CACNA1C: variants seen among roughly 807,000 people sequenced by gnomAD.
CACNA1C encodes the protein calcium voltage-gated channel subunit alpha1 C.
A neutral mutation model predicts 229.0 loss-of-function variants in CACNA1C; 30 were observed. That is an observed-to-expected ratio of 0.13 (90% CI 0.10 to 0.18). The LOEUF (loss-of-function observed/expected upper bound fraction) is 0.18, where lower values mean the gene tolerates loss of function less well. Ranked by LOEUF, CACNA1C falls within the 10% of genes least tolerant of loss-of-function variation. The probability of loss-of-function intolerance (pLI) is 1.00; values close to 1 mark genes in which losing one functional copy is unlikely to be tolerated. For missense variants in CACNA1C, 1,658 were observed against 2,845.0 expected, an observed-to-expected ratio of 0.58 and a Z score of 9.49; for synonymous variants, 1,114 against 1,132.5, an observed-to-expected ratio of 0.98 and a Z score of 0.33.
intron 3 of CACNA1C, among the ~76,000 whole-genome samples, chr12:2,175,791 G>A (rs1336163667): frequency 6.6e-6 from 1 of 152,158 alleles, no homozygotes; most frequent in Non-Finnish European, 1.5e-5. Flanking sequence ...ATACCATGTG[G>A]CAGAAAAAGC....
chr12:2,370,248 T>A (rs895658462), intron 3 of CACNA1C, among the ~76,000 whole-genome samples: 4 of 152,100 alleles, frequency 2.6e-5, no homozygotes, highest in African/African-American at 9.7e-5. Flanking sequence ...TCATATACTA[T>A]GATAGAAATA....
In CACNA1C at chr12:2,193,876, C is replaced by T. The variant is rs375653492; in HGVS notation, c.477+73446C>T. 7.9e-5 allele frequency among the ~76,000 whole-genome samples: 12 copies of T among 152,298 alleles called. No homozygotes were observed. In the East Asian group the frequency reaches 1.4e-3, roughly 17 times the overall value. On this transcript the variant is annotated intron_variant, in intron 3 of 46. Transcript: ENST00000399655. ...GGAACGTGTCCTCTCTTCCCTAGGA[C>T]GTCTGTCTTGGTATTGAAGACAGTG... is the stretch of plus-strand genomic sequence containing the variant.
At chr12:2,668,838 A>ACACAGAGCCAAACCAT in intron 37 of CACNA1C, 95 bp from the exon 38 acceptor site, 1 of 792,168 alleles carries the variant, frequency 1.3e-6, no homozygotes, top group Non-Finnish European at 2.2e-6. Flanking sequence ...TTGGGCGAGG[A>ACACAGAGCCAAACCAT]CACAGAGCCA....
chr12:2,300,276 G>T (rs1220051340), intron 3 of CACNA1C, among the ~76,000 whole-genome samples: 1 of 152,206 alleles, frequency 6.6e-6, no homozygotes, highest in Non-Finnish European at 1.5e-5. Flanking sequence ...ATGCACTTAT[G>T]GAGTGCCTCC....
intron 29 of CACNA1C, among the ~76,000 whole-genome samples, chr12:2,623,030 G>A (rs1344239235): frequency 6.6e-6 from 1 of 152,156 alleles, no homozygotes; most frequent in Non-Finnish European, 1.5e-5. Context: ...GATGTACAGG[G>A]AAATGCCTTA....
intron 1 of CACNA1C, among the ~76,000 whole-genome samples, chr12:2,062,603 TGTC>T (rs1353162988): frequency 6.6e-6 from 1 of 152,222 alleles, no homozygotes; most frequent in Non-Finnish European, 1.5e-5. Context: ...GGCTGCATGT[TGTC>T]GTGGTACCCC....
At chr12:2,041,425 T>C (rs7132072) in intron 1 of CACNA1C, among the ~76,000 whole-genome samples, 45,809 of 151,650 alleles carry the variant, frequency 0.3, 8,240 homozygotes, top group African/African-American at 0.5. Context: ...TACAGGCGCT[T>C]GCCACCGCGT....
intron 3 of CACNA1C, among the ~76,000 whole-genome samples, chr12:2,128,257 C>T (rs887096506): frequency 3.3e-5 from 5 of 152,008 alleles, no homozygotes; most frequent in African/African-American, 2.4e-5. Context: ...TGTGTAGGGT[C>T]GCTGTGAGTA....
At position 2,488,209 on chromosome 12, in the gene CACNA1C, C is replaced by T. The variant is rs2099704484; in HGVS notation, c.916+1947C>T. On this transcript the variant is annotated intron_variant, in intron 6 of 46. Coordinates refer to ENST00000399655, the MANE Select transcript of CACNA1C (RefSeq NM_000719.7). This position sits in a 1 kb window ranked among gnomAD's most constrained non-coding sequence, Gnocchi z 4.0. Reference sequence around the variant, plus strand: ...AATTTCCATCATCCTAACGAGAAAGCAGTCCAAGAGTGTTTTCTGCCGGTG... The same window carrying T: ...AATTTCCATCATCCTAACGAGAAAGTAGTCCAAGAGTGTTTTCTGCCGGTG... Among the ~76,000 whole-genome samples the T allele has an allele frequency of 6.6e-6, 1 of 152,206 alleles. No individual in the cohort carries two copies. The highest frequency in any genetic ancestry group is 2.4e-5 in the African/African-American group (1 of 41,446).
chr12:2,071,973 T>C (rs1010605856), intron 1 of CACNA1C, among the ~76,000 whole-genome samples: 8 of 152,206 alleles, frequency 5.3e-5, no homozygotes, highest in Admixed American at 1.3e-4. Flanking sequence ...AATAATACTT[T>C]ACTACCATCA....
chr12:2,666,044 C>T lies in CACNA1C; in HGVS notation c.4526+336C>T, dbSNP rs930487539. 3.9e-5 allele frequency among the ~76,000 whole-genome samples: 6 copies of T among 152,156 alleles called. 1 individual carries two copies. The highest frequency in any genetic ancestry group is 1.4e-4 in the African/African-American group (6 of 41,414). On this transcript the variant is annotated intron_variant, in intron 36 of 46. Transcript: ENST00000399655. This position sits in a 1 kb window ranked among gnomAD's most constrained non-coding sequence, Gnocchi z 5.3. ...TCTCTACTAAAAATACAAAAATTAG[C>T]CGGACATGGTGGCACATGCCTATAA...
chr12:2,004,550 T>TA, intron 1 of CACNA1C: 1 of 1,428,000 alleles, frequency 7.0e-7, no homozygotes, highest in Non-Finnish European at 9.3e-7. Context: ...CGGGAGGCCT[T>TA]CCGGCTCCAG....
chr12:2,622,042 G>C (rs2153507573), intron 29 of CACNA1C, among the ~76,000 whole-genome samples: 1 of 152,272 alleles, frequency 6.6e-6, no homozygotes, highest in East Asian at 1.9e-4. Context: ...TGGGAGAGAA[G>C]AGAGGAAGGA....
At chr12:2,623,795 C>T (rs1033433596) in intron 29 of CACNA1C, among the ~76,000 whole-genome samples, 1 of 152,174 alleles carries the variant, frequency 6.6e-6, no homozygotes, top group Admixed American at 6.5e-5. Context: ...AAAGTGACTC[C>T]AGCCCCTGGC....
At position 2,249,282 on chromosome 12, in the gene CACNA1C, C is replaced by T. The variant is rs567821143; in HGVS notation, c.477+128852C>T. On this transcript the variant is annotated intron_variant, in intron 3 of 46. Transcript: ENST00000399655. Reference sequence around the variant, plus strand: ...TGCAAAGCAGGAGTTGGTGAACTGGCGAACAGGCCACATCCGGCCTGCCAT... The same window carrying T: ...TGCAAAGCAGGAGTTGGTGAACTGGTGAACAGGCCACATCCGGCCTGCCAT... Among the ~76,000 whole-genome samples the T allele has an allele frequency of 1.3e-3, 204 of 152,224 alleles. 1 individual carries two copies. Among genetic ancestry groups the T allele is most frequent in the Admixed American group, 3.9e-3 (59 of 15,294 alleles).
intron 3 of CACNA1C, among the ~76,000 whole-genome samples, chr12:2,224,363 G>C (rs985890108): frequency 6.6e-6 from 1 of 152,224 alleles, no homozygotes; most frequent in Non-Finnish European, 1.5e-5. Flanking sequence ...CTTTTGAACT[G>C]CTAATCCCCC....
At chr12:2,334,022 A>G (rs534038349) in intron 3 of CACNA1C, among the ~76,000 whole-genome samples, 33 of 152,296 alleles carry the variant, frequency 2.2e-4, no homozygotes, top group African/African-American at 7.9e-4. Flanking sequence ...GCAGAGTGGA[A>G]GATCCCTTAT....
chr12:2,679,480 T>G lies in CACNA1C; in HGVS notation c.5128T>G (p.Tyr1710Asp), dbSNP rs1240933826. The G allele has an allele frequency of 1.2e-6, 2 of 1,600,310 alleles. No individual in the cohort carries two copies. The highest frequency in any genetic ancestry group is 2.2e-5 in the East Asian group (1 of 44,500). ...GGLFGNHVSY[Y>D]QSDGRSAFPQ... Reference sequence around the variant, plus strand: ...CCTGTTCGGCAACCACGTCAGCTACTACCAAAGCGACGGCCGGAGCGCCTT... The same window carrying G: ...CCTGTTCGGCAACCACGTCAGCTACGACCAAAGCGACGGCCGGAGCGCCTT... The change falls in exon 42 of 47, where the codon TAC (tyrosine) becomes GAC (aspartate). Residue 1710 changes from tyrosine to aspartate, a missense_variant. Tyr to Asp is a radical substitution (Grantham distance 160). Transcript: ENST00000399655. The surrounding 1 kb of genome is among the most constrained non-coding windows in gnomAD (Gnocchi z 5.5).
At chr12:2,345,076 G>C (rs2096972913) in intron 3 of CACNA1C, among the ~76,000 whole-genome samples, 1 of 149,360 alleles carries the variant, frequency 6.7e-6, no homozygotes, top group East Asian at 2.0e-4. Flanking sequence ...CCATGTCTGT[G>C]GGTTTGAATG....
Sources: allele counts gnomAD v4.1 joint callset (sites outside exome capture counted in the v4.1 genomes callset), GRCh38; gene constraint gnomAD v4.1.1; non-coding constraint Gnocchi (gnomAD v3.1); transcripts MANE v1.5; gene names NCBI Gene and HGNC (gene_info 2026-07-23, HGNC 2026-07-21).